Variants in VAV3 observed in about 807,000 individuals in gnomAD.
The protein encoded by VAV3 is vav guanine nucleotide exchange factor 3, also known as guanine nucleotide exchange factor VAV3.
VAV3 carries 94 observed loss-of-function variants against 131.2 expected under a neutral mutation model. The observed-to-expected ratio is 0.72, with a 90% confidence interval of 0.61 to 0.85. The LOEUF (loss-of-function observed/expected upper bound fraction) is 0.85. Ranked by LOEUF, VAV3 falls within the 40% of genes least tolerant of loss-of-function variation. VAV3 has a pLI of 0.00. For missense variants in VAV3, 939 were observed against 1,002.7 expected, an observed-to-expected ratio of 0.94 and a Z score of 0.86; for synonymous variants, 349 against 342.0, an observed-to-expected ratio of 1.02 and a Z score of -0.22.
chr1:107,812,382 G>A (rs1035282992), intron 2 of VAV3, among the ~76,000 whole-genome samples: 9 of 152,104 alleles, frequency 5.9e-5, no homozygotes, highest in African/African-American at 1.9e-4. Context: ...TGTGTCACAC[G>A]TGTGCCCGTT....
intron 19 of VAV3, among the ~76,000 whole-genome samples, chr1:107,667,971 C>G (rs1047865084): frequency 1.3e-5 from 2 of 152,142 alleles, no homozygotes; most frequent in African/African-American, 4.8e-5. Flanking sequence ...TTCCGAGAAG[C>G]TCTTTCCCAG....
intron 20 of VAV3, among the ~76,000 whole-genome samples, chr1:107,621,514 T>C (rs1207663712): frequency 6.6e-6 from 1 of 152,070 alleles, no homozygotes; most frequent in Non-Finnish European, 1.5e-5. Context: ...CCCCTATGCA[T>C]GGATGAAATT....
rs1649323345 is a variant in VAV3, at chr1:107,572,386, T to G, written c.*945A>C. 6.6e-6 allele frequency: 1 copy of G among 152,280 alleles called. No homozygotes were observed. Among genetic ancestry groups the G allele is most frequent in the Non-Finnish European group, 1.5e-5 (1 of 68,056 alleles). The allele number at this position is 152,280 out of a possible 1,614,324, so 9.4% of individuals were successfully genotyped here. On this transcript the variant is annotated 3_prime_UTR_variant, in exon 27 of 27. Transcript: ENST00000370056. ...AAAAAATCATGTCCCAGGTCATCTTTGTGTGTGTGCGGGGGAGGTGGATGG... is the reference window on the plus strand; with the variant it reads ...AAAAAATCATGTCCCAGGTCATCTTGGTGTGTGTGCGGGGGAGGTGGATGG...
intron 1 of VAV3, among the ~76,000 whole-genome samples, chr1:107,954,230 C>A (rs72985456): frequency 1.3e-5 from 2 of 151,998 alleles, no homozygotes; most frequent in African/African-American, 2.4e-5. Flanking sequence ...AAAAAAAATG[C>A]CCTATCAAAG....
chr1:107,744,483 C>A (rs1273366770), intron 15 of VAV3, among the ~76,000 whole-genome samples: 7 of 152,078 alleles, frequency 4.6e-5, no homozygotes, highest in African/African-American at 1.7e-4. Context: ...CATTTCCCTT[C>A]AAAAAACACT....
chr1:107,683,344 C>T lies in VAV3; in HGVS notation c.1777+144G>A, dbSNP rs138278003. The T allele has an allele frequency of 1.9e-4, 157 of 819,916 alleles. No homozygotes were observed. The African/African-American group carries it at 2.4e-3, about 12-fold the overall frequency. 50.8% of individuals were successfully genotyped at this position (819,916 alleles called of 1,614,324 possible). ...TCATGTGAATGATTTACACGTTAGACCATGACCTCCTGGTCACACATTATA... is the reference window on the plus strand; with the variant it reads ...TCATGTGAATGATTTACACGTTAGATCATGACCTCCTGGTCACACATTATA... On this transcript the variant is annotated intron_variant, in intron 19 of 26. Transcript: ENST00000370056.
chr1:107,740,473 A>T (rs957386332), intron 15 of VAV3, among the ~76,000 whole-genome samples: 6 of 152,198 alleles, frequency 3.9e-5, no homozygotes, highest in African/African-American at 1.4e-4. Flanking sequence ...TTTAATATTC[A>T]ATTAGACAGT....
chr1:107,756,154 C>T (rs1664087908), intron 11 of VAV3, among the ~76,000 whole-genome samples: 1 of 152,184 alleles, frequency 6.6e-6, no homozygotes, highest in South Asian at 2.1e-4. Flanking sequence ...CCGTGTCTTT[C>T]CATGTGCCTT....
intron 19 of VAV3, among the ~76,000 whole-genome samples, chr1:107,658,480 G>C (rs970976640): frequency 6.6e-6 from 1 of 151,950 alleles, no homozygotes; most frequent in African/African-American, 2.4e-5. Flanking sequence ...GGGATGGCTG[G>C]GTCAAATGGT....
At chr1:107,830,978 C>T (rs1668223333) in intron 2 of VAV3, among the ~76,000 whole-genome samples, 1 of 152,194 alleles carries the variant, frequency 6.6e-6, no homozygotes, top group South Asian at 2.1e-4. Context: ...AATCTTCACT[C>T]ACTATAAGTA....
At chr1:107,624,414 GAAA>G (rs1557712279) in intron 20 of VAV3, among the ~76,000 whole-genome samples, 4 of 138,884 alleles carry the variant, frequency 2.9e-5, no homozygotes, top group African/African-American at 7.9e-5. Flanking sequence ...GTGTGTGTGT[GAAA>G]GAAACAAGAG....
intron 21 of VAV3, among the ~76,000 whole-genome samples, chr1:107,613,048 G>C (rs1219268714): frequency 6.6e-6 from 1 of 152,128 alleles, no homozygotes; most frequent in Non-Finnish European, 1.5e-5. Flanking sequence ...ATGTGTGGGA[G>C]TATTGGTCCA....
intron 15 of VAV3, among the ~76,000 whole-genome samples, chr1:107,738,238 A>T (rs4915070): frequency 0.14 from 21,697 of 152,196 alleles, 1,740 homozygotes; most frequent in South Asian, 0.26. Context: ...TAGCATTAGG[A>T]GAAAAACCTA....
intron 2 of VAV3, among the ~76,000 whole-genome samples, chr1:107,800,095 T>C (rs1248371505): frequency 6.6e-6 from 1 of 152,226 alleles, no homozygotes; most frequent in Non-Finnish European, 1.5e-5. Flanking sequence ...TCATCTATTG[T>C]TGGCATTTAG....
intron 19 of VAV3, among the ~76,000 whole-genome samples, chr1:107,681,404 C>A (rs1234848731): frequency 6.6e-6 from 1 of 152,114 alleles, no homozygotes; most frequent in East Asian, 1.9e-4. Context: ...GCACGCTGGT[C>A]ATCAAGCAAG....
At chr1:107,962,486 T>C (rs570478701) in intron 1 of VAV3, among the ~76,000 whole-genome samples, 1 of 152,374 alleles carries the variant, frequency 6.6e-6, no homozygotes, top group South Asian at 2.1e-4. Context: ...GTACATGTGC[T>C]AGGCACTATA....
At chr1:107,747,332 A>C (rs536547897) in intron 15 of VAV3, among the ~76,000 whole-genome samples, 16 of 152,288 alleles carry the variant, frequency 1.1e-4, no homozygotes, top group Non-Finnish European at 1.9e-4. Flanking sequence ...CACTCATCTG[A>C]AGATTATATA....
At chr1:107,764,177 C>T (rs932396295) in intron 9 of VAV3, among the ~76,000 whole-genome samples, 4 of 152,060 alleles carry the variant, frequency 2.6e-5, no homozygotes, top group Non-Finnish European at 5.9e-5. Context: ...CTGTTGTGAT[C>T]ATGCACTCTG....
chr1:107,689,993 T>G (rs1659317861), intron 17 of VAV3, among the ~76,000 whole-genome samples: 2 of 152,126 alleles, frequency 1.3e-5, no homozygotes, highest in Admixed American at 1.3e-4. Flanking sequence ...AGTCATAAAC[T>G]GCAGGAAGTG....
Sources: gnomAD v4.1 joint callset for allele counts (sites outside exome capture counted in the v4.1 genomes callset) on GRCh38, gnomAD v4.1.1 for gene constraint, MANE v1.5 for transcripts, NCBI Gene and HGNC (gene_info 2026-07-23, HGNC 2026-07-21) for gene names.